PRKG1: variants seen among roughly 807,000 people sequenced by gnomAD.
PRKG1 encodes protein kinase cGMP-dependent 1.
In PRKG1, 35 loss-of-function variants were observed where a neutral mutation model predicts 88.1. That is an observed-to-expected ratio of 0.40 (90% CI 0.30 to 0.53). The LOEUF (loss-of-function observed/expected upper bound fraction) is 0.53. Ranked by LOEUF, PRKG1 falls within the 20% of genes least tolerant of loss-of-function variation. The pLI is 0.59. For synonymous variants in PRKG1, 303 were observed against 292.5 expected (o/e 1.04, Z -0.37); for missense variants, 540 against 839.8 (o/e 0.64, Z 4.41).
At chr10:52,191,080 A>G (rs1839350111) in intron 9 of PRKG1, among the ~76,000 whole-genome samples, 1 of 152,166 alleles carries the variant, frequency 6.6e-6, no homozygotes, top group South Asian at 2.1e-4. Context: ...AAGAATCTGC[A>G]TACACTGTAT....
At chr10:51,273,810 A>G (rs959263899) in intron 2 of PRKG1, among the ~76,000 whole-genome samples, 1 of 152,202 alleles carries the variant, frequency 6.6e-6, no homozygotes, top group Non-Finnish European at 1.5e-5. Flanking sequence ...ACAGTTCCCC[A>G]TCTGGCTGCT....
intron 2 of PRKG1, among the ~76,000 whole-genome samples, chr10:51,261,881 A>AT (rs375382268): frequency 0.084 from 10,115 of 120,514 alleles, 1,088 homozygotes; most frequent in African/African-American, 0.23. Flanking sequence ...GGATTTTCTA[A>AT]TTTTTTTTTT....
chr10:51,506,757 T>A (rs1841220115), intron 3 of PRKG1, among the ~76,000 whole-genome samples: 1 of 152,120 alleles, frequency 6.6e-6, no homozygotes, highest in African/African-American at 2.4e-5. Context: ...TTCCTCAGGA[T>A]CTAGAACTAG....
At chr10:51,412,001 A>G (rs1838100871) in intron 2 of PRKG1, among the ~76,000 whole-genome samples, 3 of 152,216 alleles carry the variant, frequency 2.0e-5, no homozygotes, top group African/African-American at 7.2e-5. Flanking sequence ...CCACACTTAA[A>G]CAGAAAAGTG....
chr10:51,357,305 A>G (rs1021431611), intron 2 of PRKG1, among the ~76,000 whole-genome samples: 1 of 151,974 alleles, frequency 6.6e-6, no homozygotes, highest in Non-Finnish European at 1.5e-5. Context: ...GTCTATGACC[A>G]AGGAAGTAGT....
At chr10:51,338,136 C>G (rs1035227547) in intron 2 of PRKG1, among the ~76,000 whole-genome samples, 4 of 152,194 alleles carry the variant, frequency 2.6e-5, no homozygotes, top group Non-Finnish European at 5.9e-5. Flanking sequence ...ACTGCATGCT[C>G]TTACTTGTAA....
Position 51,120,492 on chromosome 10 carries a change from T to C in PRKG1, c.312-32672T>C, listed in dbSNP as rs535914261. ...TTCCTTCACAACATTTTCAAATTTCTTTCCTTCTACATTTTCTGGCCCCTG... is the reference window on the plus strand; with the variant it reads ...TTCCTTCACAACATTTTCAAATTTCCTTCCTTCTACATTTTCTGGCCCCTG... On this transcript the variant is annotated intron_variant, in intron 1 of 17. Transcript: ENST00000373980. Among the ~76,000 whole-genome samples, 49 of 152,232 alleles carry C rather than the reference T, an allele frequency of 3.2e-4. 1 individual carries two copies. The highest frequency in any genetic ancestry group is 3.4e-3 in the Middle Eastern group (1 of 294).
intron 7 of PRKG1, among the ~76,000 whole-genome samples, chr10:52,123,840 A>T (rs531861368): frequency 6.8e-6 from 1 of 148,008 alleles, no homozygotes; most frequent in East Asian, 2.0e-4. Context: ...AGTGAATCTT[A>T]AAAAAAAAAT....
intron 2 of PRKG1, among the ~76,000 whole-genome samples, chr10:51,401,622 C>G (rs561470919): frequency 1.3e-5 from 2 of 152,058 alleles, no homozygotes; most frequent in South Asian, 4.2e-4. Context: ...TTACAGTTCC[C>G]TTTTTTGGTG....
At chr10:52,052,346 G>A (rs1474091725) in intron 5 of PRKG1, among the ~76,000 whole-genome samples, 1 of 151,852 alleles carries the variant, frequency 6.6e-6, no homozygotes. Flanking sequence ...AGGCCAAGGT[G>A]GGAGGATCAC....
rs61852116 is a variant in PRKG1 at position 51,368,971 on chromosome 10, T to A, written c.479-98752T>A. ...TTATTAAATTCTAGGTGAAGGAATC[T>A]CAGAGATTTCCTTCATCTTCATAAC... On this transcript the variant is annotated intron_variant, in intron 2 of 17. Coordinates refer to ENST00000373980, the MANE Select transcript of PRKG1 (RefSeq NM_006258.4). 5.9e-5 allele frequency among the ~76,000 whole-genome samples: 9 copies of A among 152,184 alleles called. No homozygotes were observed. In the East Asian group the frequency reaches 1.7e-3, roughly 29 times the overall value.
At chr10:51,403,249 C>T (rs74476936) in intron 2 of PRKG1, among the ~76,000 whole-genome samples, 20 of 152,220 alleles carry the variant, frequency 1.3e-4, no homozygotes, top group Non-Finnish European at 2.5e-4. Context: ...AAGTTAAATA[C>T]GTGCAAAGAG....
chr10:52,091,411 A>C lies in PRKG1; in HGVS notation c.935+28780A>C, dbSNP rs181654774. ...TCAACTGTGCCATATAACGTAACCC[A>C]ATAGTGGGAGGGATGTTGCATCAAA... On this transcript the variant is annotated intron_variant, in intron 7 of 17. Transcript: ENST00000373980. Among the ~76,000 whole-genome samples, 3 of 152,276 alleles carry C rather than the reference A, an allele frequency of 2.0e-5. No homozygotes were observed. In the East Asian group the frequency reaches 5.8e-4, roughly 29 times the overall value.
At chr10:51,804,780 T>A in intron 4 of PRKG1, 90 bp downstream of exon 4, 7 of 851,540 alleles carry the variant, frequency 8.2e-6, no homozygotes, top group South Asian at 1.5e-5. Context: ...CAGGGTGCTT[T>A]TTGCCTTTCT....
At chr10:52,150,171 A>ATTATT (rs1564490935) in intron 8 of PRKG1, among the ~76,000 whole-genome samples, 69 of 103,062 alleles carry the variant, frequency 6.7e-4, no homozygotes, top group African/African-American at 2.7e-3. Flanking sequence ...TAATAATAAT[A>ATTATT]ATAATAATAA....
At chr10:51,680,385 C>T (rs1840822917) in intron 3 of PRKG1, among the ~76,000 whole-genome samples, 1 of 152,132 alleles carries the variant, frequency 6.6e-6, no homozygotes, top group African/African-American at 2.4e-5. Flanking sequence ...TGCTTTCTTG[C>T]TTTAATAAAT....
At chr10:51,037,744 C>T (rs1261491844) in intron 1 of PRKG1, among the ~76,000 whole-genome samples, 2 of 151,672 alleles carry the variant, frequency 1.3e-5, no homozygotes, top group African/African-American at 4.8e-5. Flanking sequence ...GATCACACCA[C>T]TGCATTCCAG....
intron 1 of PRKG1, among the ~76,000 whole-genome samples, chr10:51,114,319 G>T (rs1462645769): frequency 2.6e-5 from 4 of 152,054 alleles, no homozygotes; most frequent in African/African-American, 9.7e-5. Flanking sequence ...TAGCTTCATT[G>T]ATATATTTTG....
At chr10:51,066,402 G>A (rs1202697899) in intron 1 of PRKG1, among the ~76,000 whole-genome samples, 3 of 152,062 alleles carry the variant, frequency 2.0e-5, no homozygotes, top group African/African-American at 4.8e-5. Flanking sequence ...CCACAGGCTG[G>A]GCAAATTGTG....
Sources: gnomAD v4.1 joint callset for allele counts (sites outside exome capture counted in the v4.1 genomes callset) on GRCh38, gnomAD v4.1.1 for gene constraint, MANE v1.5 for transcripts, NCBI Gene and HGNC (gene_info 2026-07-23, HGNC 2026-07-21) for gene names.